ANKRD13C: variants seen among roughly 807,000 people sequenced by gnomAD.
ANKRD13C encodes the protein ankyrin repeat domain 13C.
A neutral mutation model predicts 65.5 loss-of-function variants in ANKRD13C; 16 were observed. The ratio of observed to expected loss-of-function variants is 0.24; its 90% CI spans 0.17 to 0.37. ANKRD13C has a LOEUF of 0.37. ANKRD13C is among the 10% of genes least tolerant of loss of function. ANKRD13C has a pLI of 1.00. For missense variants in ANKRD13C, 503 were observed against 655.9 expected, an observed-to-expected ratio of 0.77 and a Z score of 2.55; for synonymous variants, 235 against 238.7, an observed-to-expected ratio of 0.98 and a Z score of 0.14.
chr1:70,263,554 A>G (rs972289781), intron 12 of ANKRD13C, among the ~76,000 whole-genome samples: 2 of 152,246 alleles, frequency 1.3e-5, no homozygotes, highest in African/African-American at 2.4e-5. Flanking sequence ...TACTGACATG[A>G]GTACAAATCA....
chr1:70,302,085 T>C lies in ANKRD13C; in HGVS notation c.777-1177A>G, dbSNP rs532555542. 2.8e-4 allele frequency among the ~76,000 whole-genome samples: 42 copies of C among 152,280 alleles called. No homozygotes were observed. The South Asian group carries it at 8.1e-3, about 29-fold the overall frequency. On this transcript the variant is annotated intron_variant, in intron 6 of 12. Transcript: ENST00000370944. ...AGTGAGTTGGTATTCTTGGTTTCCC[T>C]AGACAGGAAAAACAGAAATAAAACA...
chr1:70,308,464 G>A (rs1210906826), intron 5 of ANKRD13C, among the ~76,000 whole-genome samples: 9 of 151,842 alleles, frequency 5.9e-5, no homozygotes, highest in South Asian at 4.1e-4. Flanking sequence ...AGGGCAAGGC[G>A]CGGTGGCTCA....
Position 70,259,234 on chromosome 1 carries a change from G to A in ANKRD13C, c.*3483C>T, listed in dbSNP as rs1177194996. On this transcript the variant is annotated 3_prime_UTR_variant, in exon 13 of 13. Coordinates refer to ENST00000370944, the MANE Select transcript of ANKRD13C (RefSeq NM_030816.5). ...TATGGGAGGTACAGGTAAATAAGTG[G>A]TGGGTTTTATCTTTTTGGTTTTATG... Among the ~76,000 whole-genome samples the A allele has an allele frequency of 6.6e-6, 1 of 152,100 alleles. No individual in the cohort carries two copies. Among genetic ancestry groups the A allele is most frequent in the Non-Finnish European group, 1.5e-5 (1 of 68,012 alleles).
intron 1 of ANKRD13C, among the ~76,000 whole-genome samples, chr1:70,347,135 C>G (rs1682567613): frequency 6.9e-6 from 1 of 145,810 alleles, no homozygotes; most frequent in South Asian, 2.2e-4. Flanking sequence ...CATAGAGAAG[C>G]ATGGTCTCAA....
At chr1:70,278,351 G>C (rs1572038892) in intron 9 of ANKRD13C, among the ~76,000 whole-genome samples, 1 of 151,800 alleles carries the variant, frequency 6.6e-6, no homozygotes, top group Admixed American at 6.6e-5. Flanking sequence ...AAATTAGCCA[G>C]GCGTAGTGGC....
intron 1 of ANKRD13C, among the ~76,000 whole-genome samples, chr1:70,341,877 A>G (rs1368448840): frequency 6.6e-6 from 1 of 152,056 alleles, no homozygotes; most frequent in Admixed American, 6.6e-5. Flanking sequence ...TTGGAGGGGG[A>G]CATAGGGAGA....
chr1:70,314,488 G>A (rs910670351), intron 4 of ANKRD13C, among the ~76,000 whole-genome samples: 1 of 151,578 alleles, frequency 6.6e-6, no homozygotes, highest in Non-Finnish European at 1.5e-5. Context: ...GCCTCCCAAA[G>A]TGCTGGGATT....
chr1:70,302,446 GC>G (rs1477948355), intron 6 of ANKRD13C, among the ~76,000 whole-genome samples: 1 of 110,768 alleles, frequency 9.0e-6, no homozygotes, highest in Non-Finnish European at 1.8e-5. Context: ...AATAGTATTG[GC>G]CGGGCGCGGT....
intron 4 of ANKRD13C, 49 bp from the exon 5 acceptor site, chr1:70,313,839 T>G: frequency 7.3e-7 from 1 of 1,375,772 alleles, no homozygotes; most frequent in Non-Finnish European, 1.0e-6. Context: ...AGTTAAAAGT[T>G]CTTATGCTTT....
intron 2 of ANKRD13C, among the ~76,000 whole-genome samples, chr1:70,331,192 A>G (rs1330340756): frequency 6.6e-6 from 1 of 152,264 alleles, no homozygotes; most frequent in Non-Finnish European, 1.5e-5. Flanking sequence ...CTAAAGGTAC[A>G]GTGTATCTTA....
intron 8 of ANKRD13C, among the ~76,000 whole-genome samples, chr1:70,295,027 C>T (rs563711476): frequency 6.6e-6 from 1 of 152,004 alleles, no homozygotes; most frequent in Non-Finnish European, 1.5e-5. Flanking sequence ...CTCCACTCCC[C>T]TTCTATCTAC....
chr1:70,295,108 AT>A (rs528189346), intron 8 of ANKRD13C, among the ~76,000 whole-genome samples: 1 of 151,906 alleles, frequency 6.6e-6, no homozygotes, highest in Non-Finnish European at 1.5e-5. Context: ...TATTCATTTC[AT>A]TGTGTATAAT....
chr1:70,345,160 T>C (rs1682472727), intron 1 of ANKRD13C, among the ~76,000 whole-genome samples: 1 of 152,106 alleles, frequency 6.6e-6, no homozygotes. Context: ...CTGGGCGCGG[T>C]GGCTCACTCC....
chr1:70,265,824 C>CAAAAAAAAA (rs775757290), intron 12 of ANKRD13C, among the ~76,000 whole-genome samples: 18 of 35,426 alleles, frequency 5.1e-4, no homozygotes, highest in South Asian at 9.7e-4. Flanking sequence ...GACCTTGCCT[C>CAAAAAAAAA]AAAAAAAAAA....
chr1:70,291,093 C>T (rs181829400), intron 9 of ANKRD13C, among the ~76,000 whole-genome samples: 228 of 151,564 alleles, frequency 1.5e-3, no homozygotes, highest in African/African-American at 5.2e-3. Context: ...AGCACAATGG[C>T]GCAATCTCAG....
intron 2 of ANKRD13C, among the ~76,000 whole-genome samples, chr1:70,327,572 T>C (rs1332242677): frequency 1.3e-5 from 2 of 152,136 alleles, no homozygotes; most frequent in African/African-American, 4.8e-5. Context: ...TAAATGACAT[T>C]CTGGGAACAA....
At chr1:70,309,419 T>C (rs1680739121) in intron 5 of ANKRD13C, among the ~76,000 whole-genome samples, 2 of 149,878 alleles carry the variant, frequency 1.3e-5, no homozygotes, top group African/African-American at 4.9e-5. Context: ...GTTTTCTATC[T>C]ATAATATACA....
rs1046048552 is a variant in ANKRD13C, at chr1:70,315,100, C to T, written c.663+381G>A. Among the ~76,000 whole-genome samples, 6 of 151,902 alleles carry T rather than the reference C, an allele frequency of 3.9e-5. No individual in the cohort carries two copies. In the South Asian group the frequency reaches 8.3e-4, roughly 21 times the overall value. On this transcript the variant is annotated intron_variant, in intron 4 of 12. Coordinates refer to ENST00000370944, the MANE Select transcript of ANKRD13C (RefSeq NM_030816.5). ...CTAAAAATACAAAAAATTAGCTGGGCGACAGAGTGAGGCGCTGTCTCCAAA... is the reference window on the plus strand; with the variant it reads ...CTAAAAATACAAAAAATTAGCTGGGTGACAGAGTGAGGCGCTGTCTCCAAA...
intron 1 of ANKRD13C, among the ~76,000 whole-genome samples, chr1:70,352,050 A>G (rs1031132154): frequency 6.6e-6 from 1 of 152,096 alleles, no homozygotes; most frequent in Non-Finnish European, 1.5e-5. Flanking sequence ...TAAAAAAGTG[A>G]ATTTCAAGGC....
Sources: gnomAD v4.1 joint callset for allele counts (sites outside exome capture counted in the v4.1 genomes callset) on GRCh38, gnomAD v4.1.1 for gene constraint, MANE v1.5 for transcripts, NCBI Gene and HGNC (gene_info 2026-07-23, HGNC 2026-07-21) for gene names.